GIMAP2: variants seen among roughly 807,000 people sequenced by gnomAD.
The protein encoded by GIMAP2 is GTPase IMAP family member 2.
A neutral mutation model predicts 25.5 loss-of-function variants in GIMAP2; 22 were observed. That is an observed-to-expected ratio of 0.86 (90% CI 0.62 to 1.23). The LOEUF is 1.23. GIMAP2 is among the 50% of genes most tolerant of loss of function. The probability of loss-of-function intolerance (pLI) is 0.00; values close to 1 mark genes in which losing one functional copy is unlikely to be tolerated. For missense variants in GIMAP2, 422 were observed against 395.7 expected (o/e 1.07, Z -0.56); for synonymous variants, 167 against 143.0 (o/e 1.17, Z -1.20).
intron 2 of GIMAP2, among the ~76,000 whole-genome samples, chr7:150,690,598 C>G (rs1461638912): frequency 6.6e-6 from 1 of 152,180 alleles, no homozygotes; most frequent in Non-Finnish European, 1.5e-5. Flanking sequence ...TGACTTTGTC[C>G]AAGTTACTTA....
chr7:150,690,380 G>C (rs990800140), intron 2 of GIMAP2, among the ~76,000 whole-genome samples: 1 of 152,108 alleles, frequency 6.6e-6, no homozygotes, highest in Admixed American at 6.5e-5. Flanking sequence ...GTAGACTAGT[G>C]TCCCAGTGAG....
rs184493337 is a variant in GIMAP2 at position 150,689,416 on chromosome 7, C to T, written c.28+2329C>T. On this transcript the variant is annotated intron_variant, in intron 2 of 2. Coordinates refer to ENST00000223293, the MANE Select transcript of GIMAP2 (RefSeq NM_015660.3). ...CCCCATGGGAGAGAATGAGGTAGCA[C>T]TCCCTAGGAGGCCAGCAACTCAGGA... The T allele has an allele frequency of 0.012, 8,112 of 679,820 alleles. 580 individuals are homozygous for T. The South Asian group carries it at 0.12, about 10-fold the overall frequency. 42.1% of individuals were successfully genotyped at this position (679,820 alleles called of 1,614,324 possible).
At chr7:150,689,500 G>T (rs1366947346) in intron 2 of GIMAP2, 1 of 703,122 alleles carries the variant, frequency 1.4e-6, no homozygotes, top group Admixed American at 2.0e-5. Context: ...CGAGAGGAAG[G>T]TTAAACGTGC....
At chr7:150,690,019 A>C (rs974844177) in intron 2 of GIMAP2, among the ~76,000 whole-genome samples, 5 of 152,236 alleles carry the variant, frequency 3.3e-5, no homozygotes, top group Admixed American at 3.3e-4. Flanking sequence ...TAACATTATT[A>C]GGAACTTTGC....
intron 1 of GIMAP2, among the ~76,000 whole-genome samples, chr7:150,686,245 T>C (rs144575650): frequency 8.3e-4 from 126 of 152,318 alleles, no homozygotes; most frequent in Admixed American, 2.6e-3. Flanking sequence ...CTTAAAGGAC[T>C]GCACGGTTTC....
rs760583263 is a variant in GIMAP2, at chr7:150,693,293, G to C, written c.1007G>C (p.Arg336Thr). 3.2e-6 allele frequency: 5 copies of C among 1,547,622 alleles called. No homozygotes were observed. The highest frequency in any genetic ancestry group is 1.9e-5 in the Admixed American group (1 of 52,598). Residue 336 changes from arginine (R) to threonine (T), a missense_variant, in exon 3 of 3, where the codon AGG (arginine) becomes ACG (threonine). By Grantham distance (71) the Arg-to-Thr change is moderately conservative. Transcript: ENST00000223293. ...ATTAGACTAGAACGCAAGACTCCTA[G>C]GTTATAGTTACAGATCCCAGTTATT... ...TVIRLERKTPRL is the reference protein window; with the variant it reads ...TVIRLERKTPTL
In GIMAP2 at chr7:150,693,125, T is replaced by G; in HGVS notation, c.839T>G (p.Phe280Cys). Reference protein sequence around the residue: ...QLCVLFCIQLFLRLIILWLCI... With the variant: ...QLCVLFCIQLCLRLIILWLCI... ...TGTGTTTTATTTTGTATTCAGTTGT[T>G]TCTCAGATTGATAATTCTGTGGCTT... The change falls in exon 3 of 3, where the codon TTT becomes TGT. Residue 280 changes from phenylalanine (F) to cysteine (C), a missense_variant. Transcript: ENST00000223293. The G allele has an allele frequency of 6.2e-7, 1 of 1,613,686 alleles. No homozygotes were observed. The highest frequency in any genetic ancestry group is 8.5e-7 in the Non-Finnish European group (1 of 1,179,584).
intron 2 of GIMAP2, among the ~76,000 whole-genome samples, chr7:150,692,107 T>A (rs1430250026): frequency 6.6e-6 from 1 of 150,510 alleles, no homozygotes. Context: ...GCATCTGTAG[T>A]CCCAGCTACT....
chr7:150,687,931 A>ATC (rs1453051802), intron 2 of GIMAP2, among the ~76,000 whole-genome samples: 1 of 151,908 alleles, frequency 6.6e-6, no homozygotes, highest in East Asian at 1.9e-4. Flanking sequence ...AGTCTCTTAC[A>ATC]TCAAGAAGAG....
intron 2 of GIMAP2, among the ~76,000 whole-genome samples, chr7:150,691,562 A>T (rs79022015): frequency 7.2e-5 from 11 of 152,238 alleles, no homozygotes; most frequent in African/African-American, 2.6e-4. Context: ...TGCTCATTCT[A>T]ATATTTTGCT....
chr7:150,693,150 T>A lies in GIMAP2; in HGVS notation c.864T>A (p.Leu288=). ...TTCTCAGATTGATAATTCTGTGGCT[T>A]TGCATACTGCACAGCATGTGCAATT... ...QLFLRLIILW[L]CILHSMCNLF... The change falls in exon 3 of 3, where the codon CTT becomes CTA. Residue 288 remains leucine (L), a synonymous_variant. Transcript: ENST00000223293. 1.9e-6 allele frequency: 3 copies of A among 1,612,742 alleles called. No individual in the cohort carries two copies. The highest frequency in any genetic ancestry group is 2.5e-6 in the Non-Finnish European group (3 of 1,178,724).
At chr7:150,691,572 T>C (rs1036247515) in intron 2 of GIMAP2, among the ~76,000 whole-genome samples, 1 of 152,234 alleles carries the variant, frequency 6.6e-6, no homozygotes, top group Non-Finnish European at 1.5e-5. Context: ...AATATTTTGC[T>C]GGTCCAGCCA....
At position 150,693,041 on chromosome 7, in the gene GIMAP2, G is replaced by C. The variant is rs778464004; in HGVS notation, c.755G>C (p.Ser252Thr). The change falls in exon 3 of 3, where the codon AGT becomes ACT. Residue 252 changes from serine to threonine, a missense_variant. Coordinates refer to ENST00000223293, the MANE Select transcript of GIMAP2 (RefSeq NM_015660.3). Reference sequence around the variant, plus strand: ...ATAAAGTACATGGAAACTCAAAGAAGTTACACAGCCTTGGCTGAAGCAAAC... The same window carrying C: ...ATAAAGTACATGGAAACTCAAAGAACTTACACAGCCTTGGCTGAAGCAAAC... ...SLIKYMETQR[S>T]YTALAEANCL... 24 of 1,614,164 alleles carry C rather than the reference G, an allele frequency of 1.5e-5. No individual in the cohort carries two copies. Among genetic ancestry groups the C allele is most frequent in the Middle Eastern group, 3.3e-4 (2 of 6,062 alleles).
chr7:150,692,580 C>T lies in GIMAP2; in HGVS notation c.294C>T (p.Cys98=). The T allele has an allele frequency of 6.2e-7, 1 of 1,614,008 alleles. No homozygotes were observed. Among genetic ancestry groups the T allele is most frequent in the South Asian group, 1.1e-5 (1 of 91,078 alleles). ...CEALYKEVQR[C]YLLSAPGPHV... ...CTCTGTACAAAGAGGTGCAGAGGTG[C>T]TACTTGCTGTCTGCACCAGGACCCC... The change falls in exon 3 of 3, where the codon TGC becomes TGT. Residue 98 remains cysteine (C), a synonymous_variant. Transcript: ENST00000223293.
In GIMAP2 at chr7:150,692,459, C is replaced by T. The variant is rs1563355706; in HGVS notation, c.173C>T (p.Thr58Ile). ...TCGAAGCTGGGTTCCCAGACCTTGA[C>T]TAAGACTTGCAGCAAAAGTCAGGGA... ...FESKLGSQTL[T>I]KTCSKSQGSW... The change falls in exon 3 of 3, where the codon ACT becomes ATT. Residue 58 changes from threonine (T) to isoleucine (I), a missense_variant. Transcript: ENST00000223293. 1 of 1,614,144 alleles carries T rather than the reference C, an allele frequency of 6.2e-7. No individual in the cohort carries two copies. Among genetic ancestry groups the T allele is most frequent in the South Asian group, 1.1e-5 (1 of 91,076 alleles).
At chr7:150,686,960 A>AAAAAAT in intron 1 of GIMAP2, 92 bp from the exon 2 acceptor site, 5 of 450,092 alleles carry the variant, frequency 1.1e-5, no homozygotes, top group Non-Finnish European at 1.9e-5. Context: ...AAAAAAAAAA[A>AAAAAAT]AAAGAAAGAA....
chr7:150,691,427 G>A (rs1796964522), intron 2 of GIMAP2, among the ~76,000 whole-genome samples: 1 of 152,212 alleles, frequency 6.6e-6, no homozygotes, highest in Non-Finnish European at 1.5e-5. Flanking sequence ...TGGGGAAGGA[G>A]AGAGGAAAGT....
chr7:150,685,795 G>A lies in GIMAP2; in HGVS notation c.-9+10G>A. Reference sequence around the variant, plus strand: ...TTGAACAGTAAATCAGGTAAGCCCAGATTTACGAAAAGTTCTGCAGTGTTG... The same window carrying A: ...TTGAACAGTAAATCAGGTAAGCCCAAATTTACGAAAAGTTCTGCAGTGTTG... On this transcript the variant is annotated intron_variant, in intron 1 of 2. Transcript: ENST00000223293. 2 of 965,418 alleles carry A rather than the reference G, an allele frequency of 2.1e-6. No homozygotes were observed. Among genetic ancestry groups the A allele is most frequent in the Non-Finnish European group, 2.5e-6 (2 of 811,562 alleles). 59.8% of individuals were successfully genotyped at this position (965,418 alleles called of 1,614,324 possible).
intron 2 of GIMAP2, among the ~76,000 whole-genome samples, chr7:150,689,871 T>C (rs560675439): frequency 6.6e-5 from 10 of 152,354 alleles, no homozygotes; most frequent in African/African-American, 2.4e-4. Flanking sequence ...AAGTTGCAGA[T>C]TTATGTGTAA....
Sources: gnomAD v4.1 joint callset for allele counts (sites outside exome capture counted in the v4.1 genomes callset) on GRCh38, gnomAD v4.1.1 for gene constraint, MANE v1.5 for transcripts, NCBI Gene and HGNC (gene_info 2026-07-23, HGNC 2026-07-21) for gene names.